DNAJC6: variants seen among roughly 807,000 people sequenced by gnomAD.
DNAJC6 encodes auxilin.
Under a neutral mutation model 110.0 loss-of-function variants are expected in DNAJC6, and 34 were observed. That is an observed-to-expected ratio of 0.31 (90% CI 0.24 to 0.41). The LOEUF is 0.41. Ranked by LOEUF, DNAJC6 falls within the 10% of genes least tolerant of loss-of-function variation. The probability of loss-of-function intolerance (pLI) is 1.00; values close to 1 mark genes in which losing one functional copy is unlikely to be tolerated. For synonymous variants in DNAJC6, 406 were observed against 437.2 expected, an observed-to-expected ratio of 0.93 and a Z score of 0.89; for missense variants, 1,031 against 1,207.8, an observed-to-expected ratio of 0.85 and a Z score of 2.17.
intron 4 of DNAJC6, among the ~76,000 whole-genome samples, chr1:65,369,065 C>A (rs1251815535): frequency 6.6e-6 from 1 of 152,090 alleles, no homozygotes; most frequent in Non-Finnish European, 1.5e-5. Context: ...CCACCACCCC[C>A]AGCCCATCTT....
At chr1:65,282,765 A>T (rs560041563) in intron 1 of DNAJC6, among the ~76,000 whole-genome samples, 1 of 152,314 alleles carries the variant, frequency 6.6e-6, no homozygotes, top group Non-Finnish European at 1.5e-5. Context: ...CTATTTACTC[A>T]TGCATGAACT....
chr1:65,388,794 A>G (rs951694412), intron 9 of DNAJC6, among the ~76,000 whole-genome samples: 2 of 152,224 alleles, frequency 1.3e-5, no homozygotes, highest in African/African-American at 2.4e-5. Flanking sequence ...AAGCCCCGCT[A>G]TAGCACTGAA....
chr1:65,295,316 C>A (rs1644918609), intron 1 of DNAJC6, among the ~76,000 whole-genome samples: 1 of 152,312 alleles, frequency 6.6e-6, no homozygotes, highest in Middle Eastern at 3.4e-3. Flanking sequence ...ATTGTTCTCT[C>A]AGATCACTTG....
chr1:65,397,972 G>C (rs1172994526), intron 13 of DNAJC6, among the ~76,000 whole-genome samples: 1 of 152,008 alleles, frequency 6.6e-6, no homozygotes, highest in Admixed American at 6.6e-5. Context: ...TGTCAGTTTA[G>C]TATTTGCATT....
chr1:65,279,229 A>T, intron 1 of DNAJC6: 1 of 925,868 alleles, frequency 1.1e-6, no homozygotes, highest in Non-Finnish European at 1.3e-6. Context: ...GGTGGCGTGC[A>T]GAGATTGAAC....
At chr1:65,272,567 A>G (rs1170800765) in intron 1 of DNAJC6, among the ~76,000 whole-genome samples, 4 of 152,222 alleles carry the variant, frequency 2.6e-5, no homozygotes, top group South Asian at 2.1e-4. Context: ...AGTATTTCCT[A>G]TTTCTCTATT....
At chr1:65,283,186 G>A (rs1653907408) in intron 1 of DNAJC6, among the ~76,000 whole-genome samples, 2 of 152,160 alleles carry the variant, frequency 1.3e-5, no homozygotes, top group Non-Finnish European at 2.9e-5. Context: ...GTGTGTTTAT[G>A]TTTGTAGCTC....
chr1:65,344,173 G>C (rs540746763), intron 1 of DNAJC6, among the ~76,000 whole-genome samples: 1 of 152,112 alleles, frequency 6.6e-6, no homozygotes, highest in Admixed American at 6.5e-5. Flanking sequence ...AGCCCACCAG[G>C]GTGCAGCCTG....
At chr1:65,386,641 C>A (rs571750349) in intron 7 of DNAJC6, among the ~76,000 whole-genome samples, 171 bp from the exon 8 acceptor site, 105 of 152,292 alleles carry the variant, frequency 6.9e-4, no homozygotes, top group Non-Finnish European at 1.3e-3. Context: ...TACTGCACAA[C>A]CAGTTGGCAC....
rs1645505866 is a variant in DNAJC6 at position 65,352,940 on chromosome 1, T to C, written c.194-11695T>C. On this transcript the variant is annotated intron_variant, in intron 1 of 18. Coordinates refer to ENST00000371069, the MANE Select transcript of DNAJC6 (RefSeq NM_001256864.2). ...CTCAGTTGCCCTTTGGTGCCTATAT[T>C]GTCTCCCCTGTCTCTCTTAAATGGA... 2.0e-5 allele frequency among the ~76,000 whole-genome samples: 3 copies of C among 152,192 alleles called. No homozygotes were observed. The South Asian group carries it at 6.2e-4, about 32-fold the overall frequency.
intron 1 of DNAJC6, among the ~76,000 whole-genome samples, chr1:65,294,303 A>G (rs533884481): frequency 1.3e-5 from 2 of 152,176 alleles, no homozygotes; most frequent in Non-Finnish European, 2.9e-5. Context: ...GATCATGTTG[A>G]ACATCAGTTC....
At chr1:65,411,520 G>A (rs1646128576) in intron 18 of DNAJC6, 94 bp downstream of exon 18, 1 of 1,210,456 alleles carries the variant, frequency 8.3e-7, no homozygotes, top group African/African-American at 1.5e-5. Context: ...GGTTCATATG[G>A]CCTATTTTTA....
intron 1 of DNAJC6, among the ~76,000 whole-genome samples, chr1:65,356,520 C>T (rs1645544966): frequency 6.6e-6 from 1 of 151,560 alleles, no homozygotes; most frequent in Non-Finnish European, 1.5e-5. Context: ...GCCGAGACTG[C>T]ACCACTGCAC....
intron 1 of DNAJC6, among the ~76,000 whole-genome samples, chr1:65,345,286 T>G (rs1034606665): frequency 3.3e-5 from 5 of 151,360 alleles, no homozygotes; most frequent in African/African-American, 1.2e-4. Flanking sequence ...CATTAGGATC[T>G]CCTCCACTTT....
chr1:65,364,937 A>T, intron 2 of DNAJC6, 152 bp downstream of exon 2: 2 of 1,138,704 alleles, frequency 1.8e-6, no homozygotes, highest in Non-Finnish European at 1.2e-6. Context: ...GAAGACATAA[A>T]GTTAAGTCCT....
At chr1:65,292,434 T>A (rs1644887318) in intron 1 of DNAJC6, among the ~76,000 whole-genome samples, 1 of 151,714 alleles carries the variant, frequency 6.6e-6, no homozygotes, top group Non-Finnish European at 1.5e-5. Flanking sequence ...ACCCCAAACT[T>A]TTTTCTTTTT....
At chr1:65,381,938 A>G (rs1317057772) in intron 5 of DNAJC6, among the ~76,000 whole-genome samples, 2 of 152,196 alleles carry the variant, frequency 1.3e-5, no homozygotes, top group African/African-American at 4.8e-5. Flanking sequence ...TCAAGGCTTA[A>G]ATTATGTGAC....
intron 13 of DNAJC6, among the ~76,000 whole-genome samples, chr1:65,397,127 G>C (rs1645986687): frequency 6.6e-6 from 1 of 152,048 alleles, no homozygotes; most frequent in Non-Finnish European, 1.5e-5. Context: ...TTCTCATTTT[G>C]GTCTGTATTG....
At position 65,415,577 on chromosome 1, in the gene DNAJC6, A is replaced by G. The variant is rs1235180050; in HGVS notation, c.*2552A>G. 6.6e-6 allele frequency: 1 copy of G among 152,172 alleles called. No homozygotes were observed. The highest frequency in any genetic ancestry group is 1.5e-5 in the Non-Finnish European group (1 of 68,024). 9.4% of individuals were successfully genotyped at this position (152,172 alleles called of 1,614,324 possible). ...CCTGGTCTCCTAGCCAAAAAAATCA[A>G]AGGATTTTCAAAAAAACGAATCTGT... On this transcript the variant is annotated 3_prime_UTR_variant, in exon 19 of 19. Transcript: ENST00000371069.
Sources: allele counts gnomAD v4.1 joint callset (sites outside exome capture counted in the v4.1 genomes callset), GRCh38; gene constraint gnomAD v4.1.1; transcripts MANE v1.5; gene names NCBI Gene and HGNC (gene_info 2026-07-23, HGNC 2026-07-21).